Variants in NPSR1 observed in about 807,000 individuals in gnomAD.
NPSR1 encodes neuropeptide S receptor 1.
A neutral mutation model predicts 46.9 loss-of-function variants in NPSR1; 48 were observed. That is an observed-to-expected ratio of 1.02 (90% confidence interval 0.81 to 1.30). The LOEUF is 1.30. Among genes scored for constraint, NPSR1 ranks in the 50% most tolerant of loss-of-function variants. The pLI is 0.00. For missense variants in NPSR1, 450 were observed against 449.5 expected (o/e 1.00, Z -0.01); for synonymous variants, 176 against 168.1 (o/e 1.05, Z -0.36).
At chr7:34,792,560 C>CATAT (rs538063783) in intron 3 of NPSR1, among the ~76,000 whole-genome samples, 1 of 115,660 alleles carries the variant, frequency 8.6e-6, no homozygotes, top group South Asian at 2.6e-4. Context: ...TATATATGTA[C>CATAT]ATATATATAT....
At chr7:34,742,974 T>G (rs190062958) in intron 2 of NPSR1, among the ~76,000 whole-genome samples, 53 of 152,364 alleles carry the variant, frequency 3.5e-4, no homozygotes, top group African/African-American at 1.2e-3. Context: ...TGTCTGTTCA[T>G]GTCTTTTGCC....
intron 2 of NPSR1, among the ~76,000 whole-genome samples, chr7:34,729,904 C>G (rs1015633431): frequency 6.6e-6 from 1 of 152,178 alleles, no homozygotes; most frequent in African/African-American, 2.4e-5. Context: ...TCCCAAGTAA[C>G]TGGGACTACA....
chr7:34,694,311 A>T (rs948970296), intron 2 of NPSR1, among the ~76,000 whole-genome samples: 2 of 152,230 alleles, frequency 1.3e-5, no homozygotes, highest in Admixed American at 6.5e-5. Context: ...ATAAATTTTC[A>T]GGATACAAAA....
At chr7:34,758,759 C>G (rs1389584233) in intron 2 of NPSR1, among the ~76,000 whole-genome samples, 1 of 152,184 alleles carries the variant, frequency 6.6e-6, no homozygotes, top group Non-Finnish European at 1.5e-5. Flanking sequence ...ATCCATCCAT[C>G]TAAAAATGTC....
At chr7:34,697,047 T>C (rs919539243) in intron 2 of NPSR1, among the ~76,000 whole-genome samples, 1 of 151,944 alleles carries the variant, frequency 6.6e-6, no homozygotes, top group African/African-American at 2.4e-5. Context: ...TTCAAAATAA[T>C]TTGAGGCTGG....
intron 1 of NPSR1, among the ~76,000 whole-genome samples, chr7:34,663,651 G>C (rs907756188): frequency 6.6e-6 from 1 of 152,102 alleles, no homozygotes; most frequent in African/African-American, 2.4e-5. Context: ...CAGTTGCCTC[G>C]CATCTCCCCA....
At chr7:34,798,331 T>C (rs1788283289) in intron 3 of NPSR1, among the ~76,000 whole-genome samples, 2 of 152,152 alleles carry the variant, frequency 1.3e-5, no homozygotes, top group South Asian at 4.1e-4. Context: ...GGTCAGGAGC[T>C]TGTGGCCAGC....
intron 4 of NPSR1, 40 bp downstream of exon 4, chr7:34,811,903 T>A: frequency 7.7e-7 from 1 of 1,298,948 alleles, no homozygotes; most frequent in East Asian, 2.3e-5. Context: ...TAAAGAACTG[T>A]CCTTGAGTGA....
At chr7:34,668,064 G>A (rs1791843854) in intron 1 of NPSR1, among the ~76,000 whole-genome samples, 2 of 151,914 alleles carry the variant, frequency 1.3e-5, no homozygotes, top group South Asian at 4.2e-4. Context: ...AGGATTCTTG[G>A]AGTTCCTTAA....
At chr7:34,824,538 A>C (rs1433643286) in intron 4 of NPSR1, among the ~76,000 whole-genome samples, 2 of 152,194 alleles carry the variant, frequency 1.3e-5, no homozygotes, top group Non-Finnish European at 2.9e-5. Flanking sequence ...GGGCTTTCAC[A>C]GTGTAGCCCC....
intron 1 of NPSR1, among the ~76,000 whole-genome samples, chr7:34,683,113 T>A (rs969237218): frequency 4.0e-5 from 6 of 149,150 alleles, no homozygotes; most frequent in African/African-American, 1.5e-4. Flanking sequence ...AAATATCAGA[T>A]TGATAAAGTG....
chr7:34,811,793 C>G lies in NPSR1; in HGVS notation c.408C>G (p.Thr136=). 1.2e-6 allele frequency: 2 copies of G among 1,613,136 alleles called. No individual in the cohort carries two copies. Among genetic ancestry groups the G allele is most frequent in the Non-Finnish European group, 1.7e-6 (2 of 1,179,530 alleles). ...AGGTTGTGCTGCTCTACGCCTCTAC[C>G]TACGTCCTGGTGTCCCTCAGCATAG... ...YLQVVLLYAS[T]YVLVSLSIDR... Residue 136 remains threonine (T), a synonymous_variant, in exon 4 of 9, where the codon ACC becomes ACG. Transcript: ENST00000360581.
chr7:34,771,278 T>G (rs1057406249), intron 2 of NPSR1, among the ~76,000 whole-genome samples: 5 of 152,004 alleles, frequency 3.3e-5, no homozygotes, highest in Non-Finnish European at 7.4e-5. Context: ...CTATGAAAAT[T>G]TTTAAAAAGT....
intron 1 of NPSR1, among the ~76,000 whole-genome samples, chr7:34,663,720 T>C (rs1031996679): frequency 6.6e-6 from 1 of 152,292 alleles, no homozygotes; most frequent in Middle Eastern, 3.4e-3. Context: ...GACCCCCCTG[T>C]CATGGGGAAA....
chr7:34,791,497 T>A (rs1388610631), intron 3 of NPSR1, among the ~76,000 whole-genome samples: 2 of 151,192 alleles, frequency 1.3e-5, no homozygotes, highest in Non-Finnish European at 3.0e-5. Context: ...GAAATGAAGT[T>A]AATCAAGTAG....
intron 3 of NPSR1, among the ~76,000 whole-genome samples, chr7:34,795,960 G>A (rs1346078889): frequency 1.3e-5 from 2 of 152,186 alleles, no homozygotes; most frequent in Admixed American, 6.6e-5. Context: ...TATTGAAGGT[G>A]AAGAACAAAT....
chr7:34,752,041 A>G, intron 2 of NPSR1: 1 of 698,602 alleles, frequency 1.4e-6, no homozygotes. Flanking sequence ...TCCTGTGGAA[A>G]CTTCGGAAGA....
chr7:34,746,840 T>C (rs1785226943), intron 2 of NPSR1, among the ~76,000 whole-genome samples: 1 of 152,020 alleles, frequency 6.6e-6, no homozygotes, highest in Admixed American at 6.6e-5. Context: ...CATGGAGGCA[T>C]TTCTGGCTGG....
At chr7:34,714,738 G>A (rs1204221226) in intron 2 of NPSR1, among the ~76,000 whole-genome samples, 3 of 152,200 alleles carry the variant, frequency 2.0e-5, no homozygotes, top group Admixed American at 2.0e-4. Flanking sequence ...TGCCTCAGGA[G>A]TGAAGCAGAG....
Sources: allele counts gnomAD v4.1 joint callset (sites outside exome capture counted in the v4.1 genomes callset), GRCh38; gene constraint gnomAD v4.1.1; transcripts MANE v1.5; gene names NCBI Gene and HGNC (gene_info 2026-07-23, HGNC 2026-07-21).